GRAMD2A: variants seen among roughly 807,000 people sequenced by gnomAD.
GRAMD2A encodes GRAM domain-containing protein 2A.
Under a neutral mutation model 51.1 loss-of-function variants are expected in GRAMD2A, and 37 were observed. The ratio of observed to expected loss-of-function variants is 0.72; its 90% CI spans 0.56 to 0.95. The LOEUF is 0.95. Ranked by LOEUF, GRAMD2A falls within the 40% of genes least tolerant of loss-of-function variation. The pLI is 0.00. For missense variants in GRAMD2A, 414 were observed against 426.9 expected (o/e 0.97, Z 0.27); for synonymous variants, 136 against 157.1 (o/e 0.87, Z 1.01).
At chr15:72,177,271 G>A (rs2081660857) in intron 1 of GRAMD2A, among the ~76,000 whole-genome samples, 2 of 152,054 alleles carry the variant, frequency 1.3e-5, no homozygotes, top group South Asian at 4.1e-4. Context: ...TTAAATTGTT[G>A]TTGAAGTATT....
chr15:72,166,727 CAG>C lies in GRAMD2A; in HGVS notation c.472-26_472-25del, dbSNP rs753947981. The C allele has an allele frequency of 7.7e-5, 123 of 1,598,636 alleles. No homozygotes were observed. The Middle Eastern group carries it at 4.3e-3, about 56-fold the overall frequency. ...TACTGGGACATGGAAAGAAAACAGA[CAG>C]GGGTAGGGTGAGATGAGACTCCTTG... On this transcript the variant is annotated intron_variant, in intron 6 of 11. Coordinates refer to ENST00000309731, the MANE Select transcript of GRAMD2A (RefSeq NM_001012642.3). This position sits in a 1 kb window ranked among gnomAD's most constrained non-coding sequence, Gnocchi z 4.1.
At chr15:72,173,933 TAAAAAAAAAAAAA>T (rs577222527) in intron 1 of GRAMD2A, 3 of 66,672 alleles carry the variant, frequency 4.5e-5, no homozygotes, top group African/African-American at 6.4e-5. Flanking sequence ...AAATTCTGTC[TAAAAAAAAAAAAA>T]AAAAAAAAAA....
At chr15:72,187,327 G>A (rs932593066) in intron 1 of GRAMD2A, among the ~76,000 whole-genome samples, 1 of 151,512 alleles carries the variant, frequency 6.6e-6, no homozygotes, top group African/African-American at 2.4e-5. Flanking sequence ...ATACTAACAG[G>A]TATAAGTTCC....
intron 1 of GRAMD2A, chr15:72,176,202 TC>T: frequency 6.5e-6 from 1 of 152,764 alleles, no homozygotes. Context: ...CTGGCAACAC[TC>T]CCCCAGCCTT....
intron 3 of GRAMD2A, 45 bp from the exon 4 acceptor site, chr15:72,168,611 C>G: frequency 6.6e-7 from 1 of 1,518,436 alleles, no homozygotes; most frequent in Non-Finnish European, 9.1e-7. Flanking sequence ...GGAGATGAGA[C>G]CGCCAAAGGG....
Position 72,190,024 on chromosome 15 carries a change from C to A in GRAMD2A, c.41+7707G>T, listed in dbSNP as rs145127072. Among the ~76,000 whole-genome samples the A allele has an allele frequency of 1.1e-4, 16 of 152,276 alleles. No individual in the cohort carries two copies. In the East Asian group the frequency reaches 3.1e-3, roughly 29 times the overall value. On this transcript the variant is annotated intron_variant, in intron 1 of 11. Transcript: ENST00000309731. ...GGCAACAGGAATTTCAAAATGTATG[C>A]CTATACATGAATATCATCTATTAGA...
At chr15:72,182,638 A>G (rs1260674879) in intron 1 of GRAMD2A, among the ~76,000 whole-genome samples, 2 of 152,238 alleles carry the variant, frequency 1.3e-5, no homozygotes, top group African/African-American at 4.8e-5. Context: ...TATCCCAAAT[A>G]TATAGAGAAC....
At chr15:72,180,503 G>A (rs1027534996) in intron 1 of GRAMD2A, among the ~76,000 whole-genome samples, 5 of 152,352 alleles carry the variant, frequency 3.3e-5, no homozygotes, top group Admixed American at 6.5e-5. Flanking sequence ...CCGCTCAGAC[G>A]CCCCCACTCA....
intron 1 of GRAMD2A, among the ~76,000 whole-genome samples, chr15:72,174,413 G>A (rs2081636942): frequency 6.6e-6 from 1 of 152,178 alleles, no homozygotes; most frequent in South Asian, 2.1e-4. Context: ...TTCATGCCCT[G>A]TGGGTTGTGA....
At position 72,166,797 on chromosome 15, in the gene GRAMD2A, G is replaced by T; in HGVS notation, c.472-94C>A. The T allele has an allele frequency of 8.8e-7, 1 of 1,137,414 alleles. No homozygotes were observed. Among genetic ancestry groups the T allele is most frequent in the Non-Finnish European group, 1.3e-6 (1 of 757,434 alleles). 70.5% of individuals were successfully genotyped at this position (1,137,414 alleles called of 1,614,324 possible). A position where few individuals can be genotyped will look rare whatever the true frequency, so the allele number is the denominator to read the frequency against. ...CTTGTGGATTGGGCACAGGCCCACA[G>T]GGGTATCAGGCCATGAGAGCCAACA... On this transcript the variant is annotated intron_variant, in intron 6 of 11. Coordinates refer to ENST00000309731, the MANE Select transcript of GRAMD2A (RefSeq NM_001012642.3). The surrounding 1 kb of genome is among the most constrained non-coding windows in gnomAD (Gnocchi z 4.1).
chr15:72,193,585 T>C (rs2081784059), intron 1 of GRAMD2A, among the ~76,000 whole-genome samples: 1 of 151,258 alleles, frequency 6.6e-6, no homozygotes, highest in Middle Eastern at 3.2e-3. Context: ...TACAGTGGCG[T>C]GATCTCTGCT....
At chr15:72,172,183 A>G (rs888546763) in intron 1 of GRAMD2A, among the ~76,000 whole-genome samples, 8 of 151,694 alleles carry the variant, frequency 5.3e-5, no homozygotes, top group African/African-American at 1.2e-4. Flanking sequence ...CAGTGGCGCA[A>G]TCTTGGTTCA....
Position 72,163,290 on chromosome 15 carries a change from C to T in GRAMD2A, c.932G>A (p.Arg311Gln), listed in dbSNP as rs1196887137. Residue 311 changes from arginine (R) to glutamine (Q), a missense_variant, in exon 10 of 12, where the codon CGG becomes CAG. Physicochemically the swap from Arg to Gln is conservative, Grantham distance 43. Coordinates refer to ENST00000309731, the MANE Select transcript of GRAMD2A (RefSeq NM_001012642.3). ...CAGCACAAAGAAGACCTTGAGGAGCCGGTAATCCCAGAGCCTCAGCTCCCC... is the reference window on the plus strand; with the variant it reads ...CAGCACAAAGAAGACCTTGAGGAGCTGGTAATCCCAGAGCCTCAGCTCCCC... ...STGELRLWDY[R>Q]LLKVFFVLIC... 3.7e-6 allele frequency: 6 copies of T among 1,613,800 alleles called. No individual in the cohort carries two copies. The highest frequency in any genetic ancestry group is 1.7e-4 in the Middle Eastern group (1 of 6,056).
rs905297254 is a variant in GRAMD2A, at chr15:72,165,351, C to T, written c.600+3G>A. ...AGTCTTTGCTCCCAGCTTCAGCTCT[C>T]ACCAGAGACTCAGGTTCCCCTGAAA... On this transcript the variant is annotated splice_donor_region_variant and intron_variant, in intron 8 of 11. Coordinates refer to ENST00000309731, the MANE Select transcript of GRAMD2A (RefSeq NM_001012642.3). The T allele has an allele frequency of 1.9e-6, 3 of 1,613,844 alleles. No individual in the cohort carries two copies. Among genetic ancestry groups the T allele is most frequent in the Middle Eastern group, 1.6e-4 (1 of 6,062 alleles).
intron 8 of GRAMD2A, chr15:72,163,977 G>A (rs755227881): frequency 1.4e-5 from 7 of 502,696 alleles, no homozygotes; most frequent in East Asian, 3.7e-5. Flanking sequence ...GCCAGCAAAC[G>A]ATGTCTTTGA....
At chr15:72,189,735 C>T (rs1567091592) in intron 1 of GRAMD2A, among the ~76,000 whole-genome samples, 1 of 152,108 alleles carries the variant, frequency 6.6e-6, no homozygotes, top group Non-Finnish European at 1.5e-5. Context: ...GCCAGAGTAC[C>T]TATGAAGCAG....
intron 10 of GRAMD2A, 49 bp from the exon 11 acceptor site, chr15:72,162,426 C>CT: frequency 2.1e-6 from 3 of 1,410,840 alleles, no homozygotes; most frequent in Non-Finnish European, 3.0e-6. Context: ...ACAGAAAGAG[C>CT]ATTTCTGGAA....
At chr15:72,183,253 C>T (rs2081709853) in intron 1 of GRAMD2A, among the ~76,000 whole-genome samples, 2 of 152,000 alleles carry the variant, frequency 1.3e-5, no homozygotes, top group Non-Finnish European at 2.9e-5. Context: ...CGCGGTGGCT[C>T]ACGCCTGTAA....
In GRAMD2A at chr15:72,169,751, G is replaced by A. The variant is rs573106503; in HGVS notation, c.134+96C>T. 1.0e-4 allele frequency: 101 copies of A among 1,000,276 alleles called. No individual in the cohort carries two copies. The African/African-American group carries it at 1.5e-3, about 14-fold the overall frequency. The allele number at this position is 1,000,276 out of a possible 1,614,324, so 62.0% of individuals were successfully genotyped here. A position where few individuals can be genotyped will look rare whatever the true frequency, so the allele number is the denominator to read the frequency against. On this transcript the variant is annotated intron_variant, in intron 2 of 11. Coordinates refer to ENST00000309731, the MANE Select transcript of GRAMD2A (RefSeq NM_001012642.3). ...CCTCACAGACCTGCAAAGGGGCCCC[G>A]GCTCTGCCTTGAGGTCCTCTTACAA...
Sources: allele counts gnomAD v4.1 joint callset (sites outside exome capture counted in the v4.1 genomes callset), GRCh38; gene constraint gnomAD v4.1.1; non-coding constraint Gnocchi (gnomAD v3.1); transcripts MANE v1.5; gene names NCBI Gene and HGNC (gene_info 2026-07-23, HGNC 2026-07-21).